The following SLC12A7 variants were observed in gnomAD, a reference collection of about 807,000 sequenced individuals.
The protein encoded by SLC12A7 is K-Cl cotransporter 4.
A neutral mutation model predicts 120.6 loss-of-function variants in SLC12A7; 100 were observed. The ratio of observed to expected loss-of-function variants is 0.83; its 90% CI spans 0.71 to 0.98. The LOEUF is 0.98. Among genes scored for constraint, SLC12A7 ranks in the 50% least tolerant of loss-of-function variants. The pLI is 0.00. For synonymous variants in SLC12A7, 760 were observed against 678.0 expected (o/e 1.12, Z -1.88); for missense variants, 1,373 against 1,548.1 (o/e 0.89, Z 1.90).
At chr5:1,123,867 A>T in the SLC12A7 span, among the ~76,000 whole-genome samples, 12 of 152,236 alleles carry the variant, frequency 7.9e-5, no homozygotes, top group South Asian at 2.5e-3. Flanking sequence ...AAGAGGAAAC[A>T]TGTTTGAGTA....
At chr5:1,113,244 G>A (rs1372748658), upstream of SLC12A7, among the ~76,000 whole-genome samples, 2 of 152,210 alleles carry the variant, frequency 1.3e-5, no homozygotes, top group Admixed American at 6.5e-5. Flanking sequence ...GGGCAAACAC[G>A]GCCACAGCCT....
rs551384125 is a variant in SLC12A7, at chr5:1,085,712, C to T, written c.676-239G>A. Among the ~76,000 whole-genome samples the T allele has an allele frequency of 7.2e-4, 109 of 152,248 alleles. 2 individuals are homozygous for T. The highest frequency in any genetic ancestry group is 1.7e-3 in the Admixed American group (26 of 15,294). ...CGGGGGTCAGCGCACAGGCGAGGGA[C>T]GGAGCCCGCGGGGGTCAGCGCACAG... On this transcript the variant is annotated intron_variant, in intron 6 of 23. Transcript: ENST00000264930.
the SLC12A7 span, among the ~76,000 whole-genome samples, chr5:1,141,622 T>G: frequency 6.6e-6 from 1 of 152,228 alleles, no homozygotes; most frequent in Admixed American, 6.5e-5. Context: ...TAAGCTTGTG[T>G]GGTCACTGAA....
At chr5:1,116,929 C>T (rs563245271), upstream of SLC12A7, among the ~76,000 whole-genome samples, 4 of 152,268 alleles carry the variant, frequency 2.6e-5, no homozygotes, top group African/African-American at 9.6e-5. Context: ...CTGGCAGACA[C>T]GCAGCCCTTC....
chr5:1,077,472 C>T (rs1048766664), intron 12 of SLC12A7, among the ~76,000 whole-genome samples: 10 of 152,218 alleles, frequency 6.6e-5, no homozygotes, highest in African/African-American at 2.4e-4. Context: ...GGTGACGCCA[C>T]CTCCCACGGG....
the SLC12A7 span, among the ~76,000 whole-genome samples, chr5:1,146,571 G>A: frequency 2.0e-5 from 3 of 152,188 alleles, no homozygotes; most frequent in South Asian, 4.1e-4. This position sits in a 1 kb window ranked among gnomAD's most constrained non-coding sequence, Gnocchi z 6.5. Flanking sequence ...AGGCCACGAC[G>A]GGAAGCGGTG....
chr5:1,069,189 C>T (rs1458920450), intron 17 of SLC12A7, among the ~76,000 whole-genome samples: 2 of 152,352 alleles, frequency 1.3e-5, no homozygotes, highest in East Asian at 3.9e-4. Context: ...GTGCAACAGC[C>T]TGAGAAGGTG....
chr5:1,078,712 G>A lies in SLC12A7; in HGVS notation c.1443C>T (p.Val481=), dbSNP rs765187159. 2 of 1,612,282 alleles carry A rather than the reference G, an allele frequency of 1.2e-6. No homozygotes were observed. Among genetic ancestry groups the A allele is most frequent in the South Asian group, 1.1e-5 (1 of 91,026 alleles). ...VLFGACIEGV[V]LRDKFGEALQ... ...AGGTGGAAACGTACTTATCTCGTAA[G>A]ACCACGCCTTCAATGCAGGCCCCAA... The change falls in exon 11 of 24, where the codon GTC becomes GTT. Residue 481 remains valine, a synonymous_variant. Transcript: ENST00000264930.
intron 17 of SLC12A7, among the ~76,000 whole-genome samples, chr5:1,070,054 GTGAGCCC>G (rs1476310700): frequency 4.3e-5 from 1 of 23,072 alleles, no homozygotes; most frequent in African/African-American, 1.9e-4. Context: ...TGAGCCCCCA[GTGAGCCC>G]CCAGCACACG....
Position 1,111,863 on chromosome 5 carries a change from C to T in SLC12A7, c.124+5G>A. The T allele has an allele frequency of 2.5e-6, 3 of 1,209,144 alleles. No individual in the cohort carries two copies. The highest frequency in any genetic ancestry group is 1.0e-6 in the Non-Finnish European group (1 of 973,030). 74.9% of individuals were successfully genotyped at this position (1,209,144 alleles called of 1,614,324 possible). A position where few individuals can be genotyped will look rare whatever the true frequency, so the allele number is the denominator to read the frequency against. On this transcript the variant is annotated splice_donor_5th_base_variant and intron_variant, in intron 1 of 23. Transcript: ENST00000264930. ...CTTTGTCCGGCCAGGTGCGGCCGCGCTCACCCGGGCTGGGGCGCTCGGGCT... is the reference window on the plus strand; with the variant it reads ...CTTTGTCCGGCCAGGTGCGGCCGCGTTCACCCGGGCTGGGGCGCTCGGGCT...
At chr5:1,068,063 C>T (rs927041280) in intron 17 of SLC12A7, among the ~76,000 whole-genome samples, 2 of 152,232 alleles carry the variant, frequency 1.3e-5, no homozygotes, top group African/African-American at 4.8e-5. Context: ...GAACAGAGCA[C>T]AAGGGCGCGC....
chr5:1,150,890 C>T, the SLC12A7 span, among the ~76,000 whole-genome samples: 10 of 152,406 alleles, frequency 6.6e-5, no homozygotes, highest in East Asian at 1.2e-3. Flanking sequence ...CAGGAGGGCA[C>T]GCAGAAGCAG....
chr5:1,075,262 C>A, intron 15 of SLC12A7, 109 bp downstream of exon 15: 5 of 1,453,188 alleles, frequency 3.4e-6, no homozygotes, highest in Non-Finnish European at 4.6e-6. Flanking sequence ...TGAGGGCACA[C>A]GACGCTCAAG....
chr5:1,104,658 C>G (rs959791088), intron 1 of SLC12A7, among the ~76,000 whole-genome samples: 2 of 112,864 alleles, frequency 1.8e-5, no homozygotes, highest in Non-Finnish European at 3.6e-5. Flanking sequence ...CCACTCCCCA[C>G]AGAGCCGAGG....
the SLC12A7 span, among the ~76,000 whole-genome samples, chr5:1,141,726 C>A: frequency 6.6e-6 from 1 of 152,204 alleles, no homozygotes; most frequent in African/African-American, 2.4e-5. Flanking sequence ...CCACATGTGG[C>A]CGGTGGCTGC....
At chr5:1,137,435 C>T in the SLC12A7 span, among the ~76,000 whole-genome samples, 5 of 152,154 alleles carry the variant, frequency 3.3e-5, no homozygotes. Flanking sequence ...CTGCCAGGGA[C>T]GTCAAATACA....
intron 17 of SLC12A7, among the ~76,000 whole-genome samples, chr5:1,068,765 G>T (rs981842808): frequency 1.3e-5 from 2 of 152,270 alleles, no homozygotes; most frequent in Non-Finnish European, 2.9e-5. Context: ...CCGTTAACGT[G>T]AGAGTATAAG....
the SLC12A7 span, among the ~76,000 whole-genome samples, chr5:1,142,215 C>T: frequency 6.6e-6 from 1 of 151,558 alleles, no homozygotes; most frequent in Non-Finnish European, 1.5e-5. Context: ...GCAGCCCAGC[C>T]CTATAAGCCC....
chr5:1,116,300 G>A (rs1018543020), upstream of SLC12A7, among the ~76,000 whole-genome samples: 1 of 152,224 alleles, frequency 6.6e-6, no homozygotes, highest in Non-Finnish European at 1.5e-5. Flanking sequence ...CTTGCCCAGG[G>A]CGGGGCCTCT....
Sources: allele counts gnomAD v4.1 joint callset (sites outside exome capture counted in the v4.1 genomes callset), GRCh38; gene constraint gnomAD v4.1.1; non-coding constraint Gnocchi (gnomAD v3.1); transcripts MANE v1.5; gene names NCBI Gene and HGNC (gene_info 2026-07-23, HGNC 2026-07-21).